Variants in CCNY observed in about 807,000 individuals in gnomAD.
The protein encoded by CCNY is cyclin Y, also known as cyclin-Y.
In CCNY, 19 loss-of-function variants were observed where a neutral mutation model predicts 42.8. The ratio of observed to expected loss-of-function variants is 0.44; its 90% CI spans 0.31 to 0.65. CCNY has a LOEUF of 0.65. CCNY is among the 30% of genes least tolerant of loss of function. The probability of loss-of-function intolerance (pLI) is 0.07; values close to 1 mark genes in which losing one functional copy is unlikely to be tolerated. For synonymous variants in CCNY, 165 were observed against 162.7 expected (o/e 1.01, Z -0.11); for missense variants, 370 against 437.3 (o/e 0.85, Z 1.37).
At chr10:35,539,987 A>G (rs1036316207) in intron 7 of CCNY, among the ~76,000 whole-genome samples, 2 of 152,194 alleles carry the variant, frequency 1.3e-5, no homozygotes, top group Admixed American at 6.5e-5. Flanking sequence ...ATTCTTTAGA[A>G]TGTTACATGG....
intron 1 of CCNY, among the ~76,000 whole-genome samples, chr10:35,469,635 T>A (rs1191367087): frequency 8.5e-6 from 1 of 117,440 alleles, no homozygotes; most frequent in Admixed American, 8.4e-5. Context: ...CAGGGGGAGA[T>A]GGAGAGTCAG....
At chr10:35,397,034 C>T (rs770864813) in intron 1 of CCNY, among the ~76,000 whole-genome samples, 72 of 152,318 alleles carry the variant, frequency 4.7e-4, no homozygotes, top group Non-Finnish European at 8.1e-4. Context: ...GCACTGCTCA[C>T]GTGGCAGCTC....
chr10:35,557,671 G>A (rs904332581), intron 8 of CCNY, among the ~76,000 whole-genome samples: 1 of 152,126 alleles, frequency 6.6e-6, no homozygotes, highest in Non-Finnish European at 1.5e-5. Flanking sequence ...CAGGAGAATC[G>A]CTTGAGCCCA....
chr10:35,506,251 G>A (rs1027744808), intron 3 of CCNY, among the ~76,000 whole-genome samples: 1 of 152,146 alleles, frequency 6.6e-6, no homozygotes, highest in African/African-American at 2.4e-5. Flanking sequence ...AATTTCAAAT[G>A]TATAGAAAAG....
chr10:35,545,005 G>A (rs754772984), intron 7 of CCNY, among the ~76,000 whole-genome samples: 5 of 152,198 alleles, frequency 3.3e-5, no homozygotes, highest in Non-Finnish European at 7.3e-5. Context: ...TGCTAAGCAA[G>A]CATGTGTTCA....
intron 8 of CCNY, among the ~76,000 whole-genome samples, chr10:35,555,893 AG>A (rs1841354121): frequency 6.6e-6 from 1 of 152,186 alleles, no homozygotes; most frequent in Admixed American, 6.5e-5. Context: ...CATTATAATA[AG>A]GTTGGATTTT....
chr10:35,468,185 G>T (rs373827267), intron 1 of CCNY, among the ~76,000 whole-genome samples: 1 of 152,244 alleles, frequency 6.6e-6, no homozygotes, highest in South Asian at 2.1e-4. Context: ...TCTTCTTTTT[G>T]GTGTAACCTC....
At chr10:35,368,175 A>G (rs976663034) in intron 1 of CCNY, among the ~76,000 whole-genome samples, 1 of 152,238 alleles carries the variant, frequency 6.6e-6, no homozygotes, top group African/African-American at 2.4e-5. Context: ...ACACCTGCCC[A>G]GAAATCTGGA....
intron 1 of CCNY, among the ~76,000 whole-genome samples, chr10:35,417,593 A>C (rs546744831): frequency 2.4e-4 from 37 of 152,346 alleles, no homozygotes; most frequent in African/African-American, 8.2e-4. Flanking sequence ...GTGTTTATAG[A>C]CACCAGATGA....
At chr10:35,411,398 G>A (rs747293638) in intron 1 of CCNY, among the ~76,000 whole-genome samples, 8 of 151,312 alleles carry the variant, frequency 5.3e-5, no homozygotes, top group Admixed American at 2.0e-4. Flanking sequence ...CTGTGATCTC[G>A]GCTACTTGGG....
At chr10:35,443,756 A>G (rs949099076) in intron 1 of CCNY, among the ~76,000 whole-genome samples, 1 of 152,262 alleles carries the variant, frequency 6.6e-6, no homozygotes, top group African/African-American at 2.4e-5. Context: ...ATACCTGTAC[A>G]GGCCCAAGAA....
chr10:35,279,058 A>G (rs1051004840), intron 3 of CCNY, among the ~76,000 whole-genome samples: 116 of 150,940 alleles, frequency 7.7e-4, no homozygotes, highest in Middle Eastern at 3.5e-3. Flanking sequence ...GTAGTGTTAG[A>G]GTCGTGATTA....
intron 1 of CCNY, among the ~76,000 whole-genome samples, chr10:35,371,710 C>T (rs1413139912): frequency 6.6e-6 from 1 of 152,122 alleles, no homozygotes; most frequent in Non-Finnish European, 1.5e-5. Context: ...AGGGTGGAGG[C>T]CCTGGGCCAT....
intron 3 of CCNY, among the ~76,000 whole-genome samples, chr10:35,262,007 G>A (rs1239999243): frequency 6.6e-6 from 1 of 151,384 alleles, no homozygotes; most frequent in African/African-American, 2.4e-5. Context: ...GTCAAAAAGA[G>A]TGAAACTTCA....
intron 1 of CCNY, among the ~76,000 whole-genome samples, chr10:35,357,108 ATCACCCCG>A (rs753449402): frequency 0.02 from 1,123 of 57,316 alleles, 11 homozygotes; most frequent in African/African-American, 0.038. Flanking sequence ...GGCATCCCGC[ATCACCCCG>A]CATCACCTGT....
At chr10:35,312,652 G>GC (rs1225943784) in intron 3 of CCNY, among the ~76,000 whole-genome samples, 1 of 151,202 alleles carries the variant, frequency 6.6e-6, no homozygotes, top group Non-Finnish European at 1.5e-5. Flanking sequence ...ATGTGCCTCT[G>GC]CCCCCCATCT....
intron 1 of CCNY, among the ~76,000 whole-genome samples, chr10:35,468,462 A>G (rs1169690211): frequency 1.4e-5 from 2 of 148,074 alleles, no homozygotes; most frequent in Admixed American, 1.3e-4. Context: ...CTTTTTTAAA[A>G]CTCCCTTTTA....
intron 1 of CCNY, among the ~76,000 whole-genome samples, chr10:35,417,871 A>G (rs1316865611): frequency 6.6e-6 from 1 of 152,212 alleles, no homozygotes; most frequent in Non-Finnish European, 1.5e-5. Context: ...AGCTACCAGG[A>G]ATAGTTCACC....
chr10:35,425,934 A>G (rs1838255102), intron 1 of CCNY, among the ~76,000 whole-genome samples: 1 of 152,098 alleles, frequency 6.6e-6, no homozygotes, highest in Non-Finnish European at 1.5e-5. Flanking sequence ...CAGTCTCTCC[A>G]TCTTTATGCT....
Sources: gnomAD v4.1 joint callset for allele counts (sites outside exome capture counted in the v4.1 genomes callset) on GRCh38, gnomAD v4.1.1 for gene constraint, MANE v1.5 for transcripts, NCBI Gene and HGNC (gene_info 2026-07-23, HGNC 2026-07-21) for gene names.